COG5: variants seen among roughly 807,000 people sequenced by gnomAD.
COG5 encodes component of oligomeric golgi complex 5, also known as conserved oligomeric Golgi complex subunit 5.
COG5 carries 86 observed loss-of-function variants against 110.4 expected under a neutral mutation model. The observed-to-expected ratio is 0.78, with a 90% CI of 0.65 to 0.93. COG5 has a LOEUF of 0.93. COG5 is among the 40% of genes least tolerant of loss of function. The pLI, the probability that COG5 is intolerant of heterozygous loss-of-function variation, is 0.00. For missense variants in COG5, 1,077 were observed against 987.0 expected (o/e 1.09, Z -1.22); for synonymous variants, 360 against 334.6 (o/e 1.08, Z -0.83).
At chr7:107,560,704 A>G (rs1803704738) in intron 1 of COG5, among the ~76,000 whole-genome samples, 1 of 152,240 alleles carries the variant, frequency 6.6e-6, no homozygotes, top group African/African-American at 2.4e-5. Context: ...TTTCATATGT[A>G]AACCTTGTAC....
chr7:107,452,034 C>T (rs1390087943), intron 6 of COG5, among the ~76,000 whole-genome samples: 3 of 152,014 alleles, frequency 2.0e-5, no homozygotes, highest in African/African-American at 7.2e-5. Flanking sequence ...GTGAGTAGAC[C>T]TACTATCCAT....
intron 10 of COG5, among the ~76,000 whole-genome samples, chr7:107,336,838 C>A (rs886806681): frequency 6.6e-6 from 1 of 152,152 alleles, no homozygotes; most frequent in Non-Finnish European, 1.5e-5. Flanking sequence ...CACCTGTGGG[C>A]CTGGGGAATG....
Position 107,492,114 on chromosome 7 carries a change from T to C in COG5, c.538+35123A>G, listed in dbSNP as rs372613258. 2.3e-3 allele frequency among the ~76,000 whole-genome samples: 351 copies of C among 151,816 alleles called. 3 individuals carry two copies. Among genetic ancestry groups the C allele is most frequent in the African/African-American group, 7.9e-3 (326 of 41,450 alleles). ...AAAACGTCTTACAATTCTGGCACTTTTCTGTCAGAAGAGCCAAAACATAGT... is the reference window on the plus strand; with the variant it reads ...AAAACGTCTTACAATTCTGGCACTTCTCTGTCAGAAGAGCCAAAACATAGT... On this transcript the variant is annotated intron_variant, in intron 6 of 21. Transcript: ENST00000297135.
chr7:107,526,245 C>T (rs1800729424), intron 6 of COG5, among the ~76,000 whole-genome samples: 1 of 152,148 alleles, frequency 6.6e-6, no homozygotes, highest in Non-Finnish European at 1.5e-5. Context: ...GTACAAATGC[C>T]ACTACATATA....
chr7:107,247,707 C>G (rs1802157737), intron 17 of COG5, among the ~76,000 whole-genome samples: 1 of 152,154 alleles, frequency 6.6e-6, no homozygotes. Flanking sequence ...CCATTTTACT[C>G]TATTTTAAAA....
At chr7:107,460,769 G>A (rs891933119) in intron 6 of COG5, among the ~76,000 whole-genome samples, 6 of 151,922 alleles carry the variant, frequency 3.9e-5, no homozygotes, top group African/African-American at 7.2e-5. Context: ...AGTAATAAAA[G>A]GGAAGATATC....
At chr7:107,330,464 T>C (rs1424074797) in intron 10 of COG5, among the ~76,000 whole-genome samples, 1 of 152,226 alleles carries the variant, frequency 6.6e-6, no homozygotes, top group Non-Finnish European at 1.5e-5. Context: ...ACAGAGAAAC[T>C]TAGAATAATT....
At chr7:107,330,564 A>G (rs753410862) in intron 10 of COG5, among the ~76,000 whole-genome samples, 8 of 152,200 alleles carry the variant, frequency 5.3e-5, no homozygotes, top group Non-Finnish European at 7.3e-5. Context: ...TGGCTCAAAT[A>G]TATTTGACAG....
Position 107,555,000 on chromosome 7 carries a change from CT to C in COG5, c.235-659del, listed in dbSNP as rs763489757. Among the ~76,000 whole-genome samples, 3 of 152,254 alleles carry C rather than the reference CT, an allele frequency of 2.0e-5. No individual in the cohort carries two copies. The South Asian group carries it at 6.2e-4, about 32-fold the overall frequency. ...TTGCCACACCATTATTATGTTTTCCCTTTAAAGAACATTTTCAAACATCAGG... is the reference window on the plus strand; with the variant it reads ...TTGCCACACCATTATTATGTTTTCCCTTAAAGAACATTTTCAAACATCAGG... On this transcript the variant is annotated intron_variant, in intron 2 of 21. Transcript: ENST00000297135.
chr7:107,238,301 ATTTGT>A (rs1801354889), intron 17 of COG5, among the ~76,000 whole-genome samples: 1 of 152,148 alleles, frequency 6.6e-6, no homozygotes, highest in African/African-American at 2.4e-5. Context: ...AGGTTCATCT[ATTTGT>A]TGCAATTAAC....
intron 3 of COG5, among the ~76,000 whole-genome samples, chr7:107,549,569 T>A (rs1802736793): frequency 2.0e-5 from 3 of 150,954 alleles, no homozygotes; most frequent in Admixed American, 2.0e-4. Context: ...TTTTTTTTTT[T>A]TTTTTTGTAT....
intron 10 of COG5, among the ~76,000 whole-genome samples, chr7:107,360,863 A>G (rs1013128868): frequency 6.6e-6 from 1 of 152,134 alleles, no homozygotes; most frequent in African/African-American, 2.4e-5. Context: ...GCCAAGTGCA[A>G]CCTGCTAGGC....
At chr7:107,562,333 C>T (rs1803885110) in intron 1 of COG5, among the ~76,000 whole-genome samples, 1 of 152,206 alleles carries the variant, frequency 6.6e-6, no homozygotes, top group Admixed American at 6.5e-5. Flanking sequence ...AAACATATAT[C>T]CAATGTTCCA....
intron 2 of COG5, among the ~76,000 whole-genome samples, chr7:107,556,390 T>C (rs1452511648): frequency 6.6e-6 from 1 of 152,178 alleles, no homozygotes; most frequent in African/African-American, 2.4e-5. Flanking sequence ...CTCGGAGACT[T>C]CCTCTACCTC....
chr7:107,444,615 T>C (rs1794900863), intron 6 of COG5, among the ~76,000 whole-genome samples: 1 of 152,214 alleles, frequency 6.6e-6, no homozygotes, highest in African/African-American at 2.4e-5. Flanking sequence ...TTTTGAATAC[T>C]GATCATATTA....
chr7:107,246,634 T>C (rs1192786378), intron 17 of COG5, among the ~76,000 whole-genome samples: 1 of 152,132 alleles, frequency 6.6e-6, no homozygotes, highest in East Asian at 1.9e-4. Flanking sequence ...TCAACACCAC[T>C]GATCATTAGA....
chr7:107,236,928 T>C (rs1298989428), intron 17 of COG5, among the ~76,000 whole-genome samples: 1 of 152,208 alleles, frequency 6.6e-6, no homozygotes, highest in Non-Finnish European at 1.5e-5. Flanking sequence ...TCCATTTACC[T>C]AAAGATTATT....
At chr7:107,522,267 A>C (rs1418446778) in intron 6 of COG5, among the ~76,000 whole-genome samples, 4 of 152,196 alleles carry the variant, frequency 2.6e-5, no homozygotes, top group African/African-American at 9.6e-5. Flanking sequence ...TCAGGAGTTC[A>C]AGATCAGCCT....
intron 6 of COG5, among the ~76,000 whole-genome samples, chr7:107,503,837 G>T (rs1422878666): frequency 6.6e-6 from 1 of 152,126 alleles, no homozygotes; most frequent in Non-Finnish European, 1.5e-5. Flanking sequence ...TGTGTACATT[G>T]ACTTTGTAAC....
Sources: allele counts gnomAD v4.1 joint callset (sites outside exome capture counted in the v4.1 genomes callset), GRCh38; gene constraint gnomAD v4.1.1; transcripts MANE v1.5; gene names NCBI Gene and HGNC (gene_info 2026-07-23, HGNC 2026-07-21).